Variants in GABRG3 observed in about 807,000 individuals in gnomAD.
The protein encoded by GABRG3 is gamma-aminobutyric acid receptor subunit gamma-3.
In GABRG3, 25 loss-of-function variants were observed where a neutral mutation model predicts 48.8. The observed-to-expected ratio is 0.51, with a 90% CI of 0.37 to 0.72. The LOEUF (loss-of-function observed/expected upper bound fraction) is 0.72. Among genes scored for constraint, GABRG3 ranks in the 30% least tolerant of loss-of-function variants. GABRG3 has a pLI of 0.00. For missense variants in GABRG3, 394 were observed against 577.9 expected, an observed-to-expected ratio of 0.68 and a Z score of 3.26; for synonymous variants, 227 against 217.6, an observed-to-expected ratio of 1.04 and a Z score of -0.38.
chr15:26,985,154 G>A (rs1478030790), intron 2 of GABRG3, among the ~76,000 whole-genome samples: 1 of 152,210 alleles, frequency 6.6e-6, no homozygotes, highest in African/African-American at 2.4e-5. Context: ...CCCATGGCAG[G>A]AGATCCCAGC....
At chr15:27,242,699 A>G (rs1314262691) in intron 3 of GABRG3, among the ~76,000 whole-genome samples, 1 of 152,248 alleles carries the variant, frequency 6.6e-6, no homozygotes, top group East Asian at 1.9e-4. Flanking sequence ...ACAGAGTAGG[A>G]TGAAGAATAG....
At chr15:27,220,747 T>C (rs1002748428) in intron 3 of GABRG3, among the ~76,000 whole-genome samples, 9 of 152,182 alleles carry the variant, frequency 5.9e-5, no homozygotes, top group African/African-American at 2.2e-4. Context: ...CATTTATTTC[T>C]CTGGGGTCAC....
chr15:27,393,358 A>AAAAG (rs1555377214), intron 5 of GABRG3, among the ~76,000 whole-genome samples: 4 of 141,280 alleles, frequency 2.8e-5, no homozygotes, highest in Admixed American at 7.3e-5. Context: ...AAAAAAAAAA[A>AAAAG]AAAAGAAAAG....
intron 5 of GABRG3, among the ~76,000 whole-genome samples, chr15:27,464,625 C>A (rs4550405): frequency 6.6e-6 from 1 of 151,966 alleles, no homozygotes; most frequent in African/African-American, 2.4e-5. Flanking sequence ...CCCTCAAATA[C>A]TGTACTTCCT....
rs147175486 is a variant in GABRG3 at position 27,124,503 on chromosome 15, G to C, written c.270+97682G>C. ...GCAGATGTCCTTGCCCTAATTTACA[G>C]TGTGATCCGGGGAAATGGAGGGAGA... On this transcript the variant is annotated intron_variant, in intron 3 of 9. Coordinates refer to ENST00000615808, the MANE Select transcript of GABRG3 (RefSeq NM_033223.5). Among the ~76,000 whole-genome samples the C allele has an allele frequency of 5.4e-4, 82 of 152,338 alleles. 1 individual carries two copies. Among genetic ancestry groups the C allele is most frequent in the Admixed American group, 5.3e-3 (81 of 15,300 alleles).
chr15:27,439,260 G>A lies in GABRG3; in HGVS notation c.575-41390G>A, dbSNP rs1888710294. The stretch of plus-strand genomic sequence containing the variant: ...GGTGCGACTTTCTTCTCAACAGCAT[G>A]AGAGGAAAACTGCATTTTCTGGTTA... On this transcript the variant is annotated intron_variant, in intron 5 of 9. Transcript: ENST00000615808. Among the ~76,000 whole-genome samples the A allele has an allele frequency of 3.3e-5, 5 of 152,172 alleles. No individual in the cohort carries two copies. The South Asian group carries it at 1.0e-3, about 32-fold the overall frequency.
intron 5 of GABRG3, among the ~76,000 whole-genome samples, chr15:27,414,481 C>T (rs1251204861): frequency 2.6e-5 from 4 of 152,122 alleles, no homozygotes; most frequent in African/African-American, 9.7e-5. Context: ...GAAGGTCCTG[C>T]TGCTTATTTT....
At chr15:27,342,039 G>A (rs1346791376) in intron 5 of GABRG3, among the ~76,000 whole-genome samples, 2 of 152,200 alleles carry the variant, frequency 1.3e-5, no homozygotes, top group Non-Finnish European at 2.9e-5. Context: ...TTTGGAAGAG[G>A]AGTAAATGCC....
chr15:27,171,148 G>A (rs1887554555), intron 3 of GABRG3, among the ~76,000 whole-genome samples: 1 of 152,136 alleles, frequency 6.6e-6, no homozygotes, highest in Non-Finnish European at 1.5e-5. Flanking sequence ...TGGGGGTGGG[G>A]TGAAAGCCTG....
At chr15:27,243,343 G>A (rs563227906) in intron 3 of GABRG3, among the ~76,000 whole-genome samples, 2 of 152,156 alleles carry the variant, frequency 1.3e-5, no homozygotes, top group South Asian at 4.2e-4. Flanking sequence ...TGTATCAAGG[G>A]GTCAGCCAAT....
In GABRG3 at chr15:27,293,018, G is replaced by A. The variant is rs11858722; in HGVS notation, c.271-33791G>A. Among the ~76,000 whole-genome samples, 1,021 of 152,292 alleles carry A rather than the reference G, an allele frequency of 6.7e-3. 13 individuals are homozygous for A. Among genetic ancestry groups the A allele is most frequent in the African/African-American group, 0.024 (982 of 41,564 alleles). The stretch of plus-strand genomic sequence containing the variant: ...CTAATAGCTTAAAGCATAAGATAGG[G>A]AAACTGCATTCATTGAAAATGCCAC... On this transcript the variant is annotated intron_variant, in intron 3 of 9. Coordinates refer to ENST00000615808, the MANE Select transcript of GABRG3 (RefSeq NM_033223.5).
At chr15:27,120,455 A>T (rs1289499611) in intron 3 of GABRG3, among the ~76,000 whole-genome samples, 1 of 151,690 alleles carries the variant, frequency 6.6e-6, no homozygotes, top group Non-Finnish European at 1.5e-5. Flanking sequence ...AGGGATGCAT[A>T]CTCTTGTTGA....
intron 3 of GABRG3, chr15:27,157,958 T>C (rs1898476055): frequency 6.6e-6 from 1 of 152,222 alleles, no homozygotes; most frequent in South Asian, 2.1e-4. Context: ...ATGAAGTGGG[T>C]GGCGTTCTTA....
intron 3 of GABRG3, among the ~76,000 whole-genome samples, chr15:27,235,472 G>A (rs115189701): frequency 3.2e-4 from 49 of 151,596 alleles, no homozygotes; most frequent in African/African-American, 1.1e-3. Flanking sequence ...TTTACAAACC[G>A]TCGTTCAATT....
intron 3 of GABRG3, among the ~76,000 whole-genome samples, chr15:27,134,476 A>G (rs1324794669): frequency 6.6e-6 from 1 of 152,190 alleles, no homozygotes; most frequent in East Asian, 1.9e-4. Flanking sequence ...GCTCTGTTCA[A>G]AGTTAGCCTC....
intron 5 of GABRG3, among the ~76,000 whole-genome samples, chr15:27,394,850 A>G (rs1458163563): frequency 6.6e-6 from 1 of 151,234 alleles, no homozygotes; most frequent in East Asian, 1.9e-4. Context: ...GTACTATGAG[A>G]TTTTTTTTTC....
chr15:27,511,571 G>A (rs1425204482), intron 6 of GABRG3, among the ~76,000 whole-genome samples: 1 of 152,170 alleles, frequency 6.6e-6, no homozygotes, highest in African/African-American at 2.4e-5. Context: ...AATCCCAGGA[G>A]GTATGATGAT....
intron 3 of GABRG3, among the ~76,000 whole-genome samples, chr15:27,316,387 C>CAAAAAAA (rs749930128): frequency 1.4e-4 from 6 of 41,594 alleles, no homozygotes; most frequent in Non-Finnish European, 1.6e-4. Flanking sequence ...GACTCCGTCT[C>CAAAAAAA]AAAAAAAAAA....
intron 3 of GABRG3, among the ~76,000 whole-genome samples, chr15:27,306,972 CATATATAATATAA>C (rs1892549574): frequency 1.9e-5 from 2 of 107,826 alleles, no homozygotes; most frequent in African/African-American, 8.8e-5. Context: ...TATATATAAA[CATATATAATATAA>C]ACATGTTTAT....
Sources: gnomAD v4.1 joint callset for allele counts (sites outside exome capture counted in the v4.1 genomes callset) on GRCh38, gnomAD v4.1.1 for gene constraint, MANE v1.5 for transcripts, NCBI Gene and HGNC (gene_info 2026-07-23, HGNC 2026-07-21) for gene names.